Variants in MAGED1 observed in about 807,000 individuals in gnomAD.
The protein encoded by MAGED1 is melanoma-associated antigen D1.
In MAGED1, 3 loss-of-function variants were observed where a neutral mutation model predicts 54.1. That is an observed-to-expected ratio of 0.06 (90% CI 0.03 to 0.14). MAGED1 has a LOEUF of 0.14. MAGED1 is among the 10% of genes least tolerant of loss of function. The pLI, the probability that MAGED1 is intolerant of heterozygous loss-of-function variation, is 1.00. For synonymous variants in MAGED1, 217 were observed against 227.3 expected, an observed-to-expected ratio of 0.95 and a Z score of 0.41; for missense variants, 485 against 623.4, an observed-to-expected ratio of 0.78 and a Z score of 2.36.
chrX:51,835,878 T>C (rs1926228434), intron 1 of MAGED1, among the ~76,000 whole-genome samples: 1 of 111,851 alleles, frequency 8.9e-6, no homozygotes, highest in Non-Finnish European at 1.9e-5. Flanking sequence ...TTGCTTGCCA[T>C]TGTTCAACAG....
upstream of MAGED1, among the ~76,000 whole-genome samples, chrX:51,893,231 C>G (rs1327622494): frequency 9.1e-6 from 1 of 110,363 alleles, no homozygotes; most frequent in Admixed American, 9.6e-5. Flanking sequence ...AAACAGAGAC[C>G]TAAGCATGCT....
At chrX:51,824,608 C>T (rs1357246137) in intron 1 of MAGED1, among the ~76,000 whole-genome samples, 2 of 108,211 alleles carry the variant, frequency 1.8e-5, no homozygotes, top group African/African-American at 6.7e-5. Context: ...CAAATATCTT[C>T]TTCCTCTTTT....
intron 1 of MAGED1, among the ~76,000 whole-genome samples, chrX:51,826,932 T>C (rs782380101): frequency 8.9e-6 from 1 of 112,692 alleles, no homozygotes; most frequent in Non-Finnish European, 1.9e-5. Flanking sequence ...TGCACATAAA[T>C]GTTTATAGTA....
rs781995808 is a variant in MAGED1 at position 51,847,754 on chromosome X, CTCTT to C, written c.-37+44641_-37+44644del. ...ATTCTCCGGGGGACCCTCCTCCTAT[CTCTT>C]TCTCCTGCATTTATCAGTATTACAT... is the stretch of plus-strand genomic sequence containing the variant. On this transcript the variant is annotated intron_variant, in intron 1 of 12. Transcript: ENST00000375772. Among the ~76,000 whole-genome samples the C allele has an allele frequency of 4.8e-4, 54 of 112,071 alleles. 1 individual carries two copies. Among genetic ancestry groups the C allele is most frequent in the Non-Finnish European group, 7.5e-4 (40 of 53,213 alleles).
chrX:51,867,030 A>G (rs1557361137), intron 1 of MAGED1, among the ~76,000 whole-genome samples: 1 of 112,147 alleles, frequency 8.9e-6, no homozygotes, highest in African/African-American at 3.2e-5. Flanking sequence ...GAACCAATTG[A>G]AATTGAAAGA....
At chrX:51,876,580 G>A (rs1315361811) in intron 1 of MAGED1, among the ~76,000 whole-genome samples, 1 of 110,781 alleles carries the variant, frequency 9.0e-6, no homozygotes, top group Non-Finnish European at 1.9e-5. Context: ...CCCAAGCCAA[G>A]GACTCACAAC....
chrX:51,894,164 A>C (rs1928582602), intron 1 of MAGED1, 105 bp from the exon 2 acceptor site: 2 of 477,477 alleles, frequency 4.2e-6, no homozygotes, highest in Admixed American at 3.3e-5. Flanking sequence ...GTTCCTCCTC[A>C]CATTCACCTT....
intron 1 of MAGED1, among the ~76,000 whole-genome samples, chrX:51,862,640 C>G (rs1927322710): frequency 9.0e-6 from 1 of 111,397 alleles, no homozygotes; most frequent in Non-Finnish European, 1.9e-5. Context: ...GGTACTGTTG[C>G]CCCTGTTAGA....
At chrX:51,861,888 G>A (rs1330111741) in intron 1 of MAGED1, among the ~76,000 whole-genome samples, 10 of 111,285 alleles carry the variant, frequency 9.0e-5, no homozygotes, top group African/African-American at 3.3e-4. Context: ...CACCATGTTG[G>A]CCAGGCTGGT....
chrX:51,895,730 G>A lies in MAGED1; in HGVS notation c.723G>A (p.Arg241=), dbSNP rs1275881945. 11 of 1,182,977 alleles carry A rather than the reference G, an allele frequency of 9.3e-6. No homozygotes were observed. The African/African-American group carries it at 1.2e-4, about 13-fold the overall frequency. Reference sequence around the variant, plus strand: ...CCCAGGCTCAGAATCTGGAGTCCCGGACAATAATTCGGGGCAAGAGGACCC... The same window carrying A: ...CCCAGGCTCAGAATCTGGAGTCCCGAACAATAATTCGGGGCAAGAGGACCC... ...DGSQAQNLES[R]TIIRGKRTRK... is the part of the protein sequence containing the mutation. The change falls in exon 3 of 13, where the codon CGG becomes CGA. Residue 241 remains arginine (R), a synonymous_variant. Coordinates refer to ENST00000326587, the MANE Select transcript of MAGED1 (RefSeq NM_006986.4).
chrX:51,820,610 GTTTTA>G (rs1602212222), intron 1 of MAGED1, among the ~76,000 whole-genome samples: 1 of 110,971 alleles, frequency 9.0e-6, no homozygotes, highest in African/African-American at 3.3e-5. Flanking sequence ...TCTTTTTTAA[GTTTTA>G]TTTTATGTTT....
chrX:51,882,077 G>A (rs1557362538), intron 1 of MAGED1, among the ~76,000 whole-genome samples: 2 of 111,843 alleles, frequency 1.8e-5, no homozygotes, highest in Non-Finnish European at 3.8e-5. Flanking sequence ...GTAAAATAGG[G>A]AGAAAAAGAG....
At chrX:51,838,554 A>T (rs1926338654) in intron 1 of MAGED1, among the ~76,000 whole-genome samples, 1 of 112,486 alleles carries the variant, frequency 8.9e-6, no homozygotes, top group Admixed American at 9.5e-5. Flanking sequence ...TTTGTTTTTT[A>T]AAATTTTTTC....
chrX:51,843,568 A>G (rs945596045), intron 1 of MAGED1, among the ~76,000 whole-genome samples: 15 of 111,876 alleles, frequency 1.3e-4, no homozygotes, highest in African/African-American at 4.9e-4. Context: ...TCCAGAAGAA[A>G]CGAACCTCAC....
intron 1 of MAGED1, among the ~76,000 whole-genome samples, chrX:51,840,837 T>A (rs1926440085): frequency 9.1e-6 from 1 of 110,461 alleles, no homozygotes; most frequent in Non-Finnish European, 1.9e-5. Context: ...TCTATCATTG[T>A]TGGACATTTG....
intron 1 of MAGED1, among the ~76,000 whole-genome samples, chrX:51,827,351 A>G (rs1557357033): frequency 8.9e-6 from 1 of 112,382 alleles, no homozygotes; most frequent in Non-Finnish European, 1.9e-5. Context: ...CTATGGAGAC[A>G]GTAAAAAGAT....
chrX:51,812,951 C>A (rs1925278375), intron 1 of MAGED1, among the ~76,000 whole-genome samples: 1 of 106,422 alleles, frequency 9.4e-6, no homozygotes, highest in African/African-American at 3.4e-5. Context: ...TAAATTACAA[C>A]CATCTTAGTG....
chrX:51,893,955 T>G (rs1928573156), intron 1 of MAGED1, among the ~76,000 whole-genome samples, 200 bp downstream of exon 1: 1 of 108,670 alleles, frequency 9.2e-6, no homozygotes, highest in Non-Finnish European at 1.9e-5. Flanking sequence ...TTGACCTCGA[T>G]CTGTACTGTT....
In MAGED1 at chrX:51,896,426, T is replaced by C. The variant is rs1928750555; in HGVS notation, c.771T>C (p.Val257=). The change falls in exon 4 of 13, where the codon GTT becomes GTC. Residue 257 remains valine, a synonymous_variant. Coordinates refer to ENST00000326587, the MANE Select transcript of MAGED1 (RefSeq NM_006986.4). ...KRTRKINNLN[V]EENSSGDQRR... is the part of the protein sequence containing the mutation. ...TGATGCAGATTAATAACTTGAATGTTGAAGAGAACAGCAGTGGGGATCAGA... is the reference window on the plus strand; with the variant it reads ...TGATGCAGATTAATAACTTGAATGTCGAAGAGAACAGCAGTGGGGATCAGA... 5.8e-6 allele frequency: 7 copies of C among 1,207,016 alleles called. No homozygotes were observed. Among genetic ancestry groups the C allele is most frequent in the Non-Finnish European group, 7.8e-6 (7 of 893,224 alleles).
Sources: allele counts gnomAD v4.1 joint callset (sites outside exome capture counted in the v4.1 genomes callset), GRCh38; gene constraint gnomAD v4.1.1; transcripts MANE v1.5; gene names NCBI Gene and HGNC (gene_info 2026-07-23, HGNC 2026-07-21).